The following STARD13 variants were observed in gnomAD, a reference collection of about 807,000 sequenced individuals.
STARD13 encodes the protein stAR-related lipid transfer protein 13.
STARD13 carries 62 observed loss-of-function variants against 106.4 expected under a neutral mutation model. That is an observed-to-expected ratio of 0.58 (90% confidence interval 0.48 to 0.72). STARD13 has a LOEUF of 0.72. STARD13 is among the 30% of genes least tolerant of loss of function. The pLI is 0.00. For synonymous variants in STARD13, 565 were observed against 553.0 expected (o/e 1.02, Z -0.31); for missense variants, 1,387 against 1,424.0 (o/e 0.97, Z 0.42).
chr13:33,633,221 A>G, the STARD13 span, among the ~76,000 whole-genome samples: 4 of 152,200 alleles, frequency 2.6e-5, no homozygotes, highest in Non-Finnish European at 4.4e-5. Context: ...AATGCTGCCT[A>G]GTGCTAAGGA....
At chr13:33,200,677 C>T (rs564978296) in intron 1 of STARD13, among the ~76,000 whole-genome samples, 19 of 152,318 alleles carry the variant, frequency 1.2e-4, no homozygotes, top group African/African-American at 4.3e-4. Context: ...GACTTGCACC[C>T]ACTTACTCTG....
intron 1 of STARD13, among the ~76,000 whole-genome samples, chr13:33,188,652 C>G (rs749813447): frequency 1.3e-5 from 2 of 152,202 alleles, no homozygotes; most frequent in Admixed American, 6.5e-5. Flanking sequence ...TCAATTTTCT[C>G]CCCGAAATAA....
At chr13:33,597,229 C>G in the STARD13 span, among the ~76,000 whole-genome samples, 1 of 152,152 alleles carries the variant, frequency 6.6e-6, no homozygotes, top group African/African-American at 2.4e-5. Flanking sequence ...AATAGCCATT[C>G]TAACTGGGGC....
the STARD13 span, among the ~76,000 whole-genome samples, chr13:33,397,604 G>A: frequency 1.3e-5 from 2 of 152,224 alleles, no homozygotes; most frequent in Non-Finnish European, 2.9e-5. Flanking sequence ...TTAGTGATGA[G>A]TATGGGATGC....
chr13:33,173,859 C>T (rs925731045), intron 1 of STARD13, among the ~76,000 whole-genome samples: 4 of 152,210 alleles, frequency 2.6e-5, no homozygotes, highest in East Asian at 1.9e-4. Context: ...CTGGAAGACC[C>T]GTATAGAGTG....
chr13:33,436,892 A>G, the STARD13 span, among the ~76,000 whole-genome samples: 3 of 152,132 alleles, frequency 2.0e-5, no homozygotes, highest in Non-Finnish European at 4.4e-5. Context: ...CACAAGAAAA[A>G]AATCACCTCA....
chr13:33,211,427 T>C (rs535916569), intron 1 of STARD13, among the ~76,000 whole-genome samples: 4 of 152,250 alleles, frequency 2.6e-5, no homozygotes, highest in Non-Finnish European at 4.4e-5. Flanking sequence ...TCCAAACTTA[T>C]TATGCATATA....
the STARD13 span, among the ~76,000 whole-genome samples, chr13:33,623,422 A>C: frequency 0.026 from 3,786 of 146,098 alleles, 169 homozygotes; most frequent in African/African-American, 0.091. Context: ...TTGAACCTCA[A>C]TAAAGTAAAA....
intron 3 of STARD13, among the ~76,000 whole-genome samples, chr13:33,154,299 C>T (rs919756421): frequency 6.6e-6 from 1 of 152,108 alleles, no homozygotes; most frequent in Non-Finnish European, 1.5e-5. Context: ...GATGTTCTGC[C>T]GAGTGGTCAG....
chr13:33,390,465 T>G, the STARD13 span, among the ~76,000 whole-genome samples: 1 of 152,198 alleles, frequency 6.6e-6, no homozygotes, highest in African/African-American at 2.4e-5. Flanking sequence ...CTATCTTGTT[T>G]TGCAGCGCAA....
chr13:33,170,754 TC>T (rs1883865171), intron 1 of STARD13, among the ~76,000 whole-genome samples: 1 of 152,040 alleles, frequency 6.6e-6, no homozygotes, highest in African/African-American at 2.4e-5. Context: ...CATTTCATAT[TC>T]CCCCACCCTA....
the STARD13 span, among the ~76,000 whole-genome samples, chr13:33,392,912 G>C: frequency 1.4e-4 from 21 of 152,174 alleles, no homozygotes; most frequent in Non-Finnish European, 2.9e-4. Context: ...AGAGTCTTGA[G>C]TAAACAAAAT....
intron 1 of STARD13, among the ~76,000 whole-genome samples, chr13:33,203,704 A>T (rs1312692711): frequency 6.6e-6 from 1 of 152,248 alleles, no homozygotes; most frequent in East Asian, 1.9e-4. Flanking sequence ...AAAAAAATAG[A>T]TGCAAATACC....
At chr13:33,436,319 A>G in the STARD13 span, among the ~76,000 whole-genome samples, 1 of 152,240 alleles carries the variant, frequency 6.6e-6, no homozygotes, top group Admixed American at 6.5e-5. Context: ...TAAGAATGGT[A>G]CATCAATGTG....
intron 7 of STARD13, among the ~76,000 whole-genome samples, chr13:33,118,481 G>T (rs140128879): frequency 3.6e-3 from 550 of 152,350 alleles, no homozygotes; most frequent in Non-Finnish European, 6.5e-3. Flanking sequence ...ACTGTGGAGA[G>T]TAAGTGAGGA....
chr13:33,359,213 C>T, the STARD13 span, among the ~76,000 whole-genome samples: 1 of 152,152 alleles, frequency 6.6e-6, no homozygotes, highest in Non-Finnish European at 1.5e-5. Flanking sequence ...CTTTTATGAG[C>T]TGCTATGAGC....
the STARD13 span, among the ~76,000 whole-genome samples, chr13:33,468,082 C>T: frequency 6.6e-6 from 1 of 152,186 alleles, no homozygotes; most frequent in African/African-American, 2.4e-5. Context: ...AAAAAGGCTA[C>T]TACCATCCTG....
the STARD13 span, among the ~76,000 whole-genome samples, chr13:33,543,014 G>A: frequency 6.6e-6 from 1 of 152,228 alleles, no homozygotes; most frequent in African/African-American, 2.4e-5. Context: ...GAAGCTGCCT[G>A]TAGGAGGAGC....
chr13:33,163,701 TATATATAAAAC>T (rs1594012423), intron 3 of STARD13, among the ~76,000 whole-genome samples: 1 of 125,678 alleles, frequency 8.0e-6, no homozygotes, highest in East Asian at 2.2e-4. Context: ...ATATATAACA[TATATATAAAAC>T]ATATATATAA....
Sources: gnomAD v4.1 joint callset for allele counts (sites outside exome capture counted in the v4.1 genomes callset) on GRCh38, gnomAD v4.1.1 for gene constraint, MANE v1.5 for transcripts, NCBI Gene and HGNC (gene_info 2026-07-23, HGNC 2026-07-21) for gene names.